GALNT18: variants seen among roughly 807,000 people sequenced by gnomAD.
GALNT18 encodes polypeptide N-acetylgalactosaminyltransferase 18, also known as GalNAc-transferase 18.
GALNT18 carries 44 observed loss-of-function variants against 69.5 expected under a neutral mutation model. The ratio of observed to expected loss-of-function variants is 0.63; its 90% CI spans 0.50 to 0.81. GALNT18 has a LOEUF of 0.81. GALNT18 is among the 40% of genes least tolerant of loss of function. The pLI, the probability that GALNT18 is intolerant of heterozygous loss-of-function variation, is 0.00. For synonymous variants in GALNT18, 364 were observed against 318.2 expected (o/e 1.14, Z -1.53); for missense variants, 715 against 810.0 (o/e 0.88, Z 1.42).
chr11:11,348,268 C>G (rs1850337099), intron 6 of GALNT18, among the ~76,000 whole-genome samples: 1 of 151,610 alleles, frequency 6.6e-6, no homozygotes, highest in African/African-American at 2.4e-5. Context: ...ATCCCAGCTA[C>G]TCAGGAGGCT....
chr11:11,361,305 C>T (rs1046123499), intron 6 of GALNT18, among the ~76,000 whole-genome samples: 1 of 152,174 alleles, frequency 6.6e-6, no homozygotes, highest in Admixed American at 6.5e-5. Context: ...CGCATCTTTA[C>T]CACTTACCAG....
At chr11:11,554,681 T>A (rs539333502) in intron 1 of GALNT18, among the ~76,000 whole-genome samples, 1 of 152,300 alleles carries the variant, frequency 6.6e-6, no homozygotes, top group South Asian at 2.1e-4. Flanking sequence ...ATGGAACTGA[T>A]GTTCCATGGA....
chr11:11,386,380 G>GC (rs1379927797), intron 3 of GALNT18, among the ~76,000 whole-genome samples: 4 of 152,044 alleles, frequency 2.6e-5, no homozygotes, highest in Non-Finnish European at 4.4e-5. Context: ...AAATTACTTG[G>GC]CCCCAAATCT....
At chr11:11,302,088 C>T (rs1451072424) in intron 9 of GALNT18, among the ~76,000 whole-genome samples, 3 of 152,196 alleles carry the variant, frequency 2.0e-5, no homozygotes, top group Non-Finnish European at 4.4e-5. Flanking sequence ...CAGTACAATG[C>T]CATTTGAAAA....
intron 1 of GALNT18, among the ~76,000 whole-genome samples, chr11:11,490,237 A>ACACG (rs1856739077): frequency 4.1e-5 from 2 of 49,102 alleles, no homozygotes; most frequent in Non-Finnish European, 8.3e-5. Context: ...TCTCTCTAAC[A>ACACG]CACACACACA....
chr11:11,409,697 T>G (rs7126743), intron 3 of GALNT18, among the ~76,000 whole-genome samples: 3,123 of 150,660 alleles, frequency 0.021, 95 homozygotes, highest in African/African-American at 0.072. Flanking sequence ...GTGCCCTGCA[T>G]TTTATTCAAT....
chr11:11,316,398 A>G (rs6484804), intron 9 of GALNT18, among the ~76,000 whole-genome samples: 63,272 of 152,084 alleles, frequency 0.42, 14,018 homozygotes, highest in African/African-American at 0.56. Context: ...GACGTGAAAG[A>G]TATGGGGGTG....
intron 6 of GALNT18, among the ~76,000 whole-genome samples, chr11:11,371,187 C>T (rs1317411335): frequency 6.6e-6 from 1 of 152,232 alleles, no homozygotes; most frequent in East Asian, 1.9e-4. Flanking sequence ...AGCATTAAGT[C>T]TGGGTGGTGA....
intron 3 of GALNT18, among the ~76,000 whole-genome samples, chr11:11,400,776 C>A (rs1424009935): frequency 5.9e-5 from 9 of 152,172 alleles, no homozygotes; most frequent in Non-Finnish European, 8.8e-5. Context: ...TCTGTGCTGT[C>A]CCCAGGTTAA....
At chr11:11,344,232 AT>A (rs35072956) in intron 6 of GALNT18, among the ~76,000 whole-genome samples, 1 of 140,084 alleles carries the variant, frequency 7.1e-6, no homozygotes, top group Non-Finnish European at 1.6e-5. Flanking sequence ...TAGCCACGCT[AT>A]TTTTTTTACT....
intron 1 of GALNT18, among the ~76,000 whole-genome samples, chr11:11,594,848 T>TATATATATATATACAC (rs1488821833): frequency 2.6e-5 from 3 of 114,290 alleles, no homozygotes; most frequent in Admixed American, 1.8e-4. Flanking sequence ...TATACACATA[T>TATATATATATATACAC]ACATACATAC....
rs12275186 is a variant in GALNT18 at position 11,613,759 on chromosome 11, T to G, written c.235+7600A>C. On this transcript the variant is annotated intron_variant, in intron 1 of 10. Coordinates refer to ENST00000227756, the MANE Select transcript of GALNT18 (RefSeq NM_198516.3). The surrounding 1 kb of genome is among the most constrained non-coding windows in gnomAD (Gnocchi z 4.2). The stretch of plus-strand genomic sequence containing the variant: ...TTCCAGGCCAGCATAAACAGCATGG[T>G]CCACCATTCATTGATGGTGGCTTAG... 0.019 allele frequency among the ~76,000 whole-genome samples: 2,833 copies of G among 152,298 alleles called. 34 individuals are homozygous for G. Among genetic ancestry groups the G allele is most frequent in the Middle Eastern group, 0.048 (14 of 292 alleles).
chr11:11,425,183 C>T (rs1855099591), intron 3 of GALNT18, among the ~76,000 whole-genome samples: 1 of 152,226 alleles, frequency 6.6e-6, no homozygotes, highest in Admixed American at 6.5e-5. Flanking sequence ...TCTCTTGAGG[C>T]CCGCTGAGTT....
At chr11:11,434,575 G>T (rs576016223) in intron 2 of GALNT18, among the ~76,000 whole-genome samples, 3 of 152,338 alleles carry the variant, frequency 2.0e-5, no homozygotes, top group African/African-American at 4.8e-5. Flanking sequence ...TGTTGTAGAA[G>T]GGGTGGTCAG....
chr11:11,303,732 T>C (rs757036975), intron 9 of GALNT18, among the ~76,000 whole-genome samples: 9 of 152,198 alleles, frequency 5.9e-5, no homozygotes, highest in Non-Finnish European at 7.3e-5. Flanking sequence ...AAGGCAGACC[T>C]GGGGCTCTGA....
Position 11,494,267 on chromosome 11 carries a change from C to G in GALNT18, c.236-45331G>C, listed in dbSNP as rs1159337805. Among the ~76,000 whole-genome samples, 2 of 152,166 alleles carry G rather than the reference C, an allele frequency of 1.3e-5. No individual in the cohort carries two copies. Among genetic ancestry groups the G allele is most frequent in the Non-Finnish European group, 2.9e-5 (2 of 68,028 alleles). Reference sequence around the variant, plus strand: ...GCAGAAAACAAGCACTGCCAAGCAGCAGCATAAACAAGCCAGACACTAGAG... The same window carrying G: ...GCAGAAAACAAGCACTGCCAAGCAGGAGCATAAACAAGCCAGACACTAGAG... On this transcript the variant is annotated intron_variant, in intron 1 of 10. Coordinates refer to ENST00000227756, the MANE Select transcript of GALNT18 (RefSeq NM_198516.3). This position sits in a 1 kb window ranked among gnomAD's most constrained non-coding sequence, Gnocchi z 5.7.
rs1168936138 is a variant in GALNT18, at chr11:11,601,478, C to T, written c.235+19881G>A. On this transcript the variant is annotated intron_variant, in intron 1 of 10. Coordinates refer to ENST00000227756, the MANE Select transcript of GALNT18 (RefSeq NM_198516.3). This position sits in a 1 kb window ranked among gnomAD's most constrained non-coding sequence, Gnocchi z 4.0. ...TTAACTGTCTCTATTGCTTATCTCC[C>T]TGTTACATTTCTGGCTGGACTGCCC... Among the ~76,000 whole-genome samples, 3 of 152,232 alleles carry T rather than the reference C, an allele frequency of 2.0e-5. No homozygotes were observed. Among genetic ancestry groups the T allele is most frequent in the Non-Finnish European group, 4.4e-5 (3 of 68,050 alleles).
At chr11:11,391,106 C>A (rs1192102437) in intron 3 of GALNT18, among the ~76,000 whole-genome samples, 3 of 152,182 alleles carry the variant, frequency 2.0e-5, no homozygotes, top group African/African-American at 7.2e-5. Flanking sequence ...TCTGAGAAAG[C>A]CAGCCCTGCA....
rs1382034187 is a variant in GALNT18, at chr11:11,613,174, A to C, written c.235+8185T>G. 6.6e-6 allele frequency among the ~76,000 whole-genome samples: 1 copy of C among 152,154 alleles called. No individual in the cohort carries two copies. The highest frequency in any genetic ancestry group is 2.1e-4 in the South Asian group (1 of 4,826). On this transcript the variant is annotated intron_variant, in intron 1 of 10. Coordinates refer to ENST00000227756, the MANE Select transcript of GALNT18 (RefSeq NM_198516.3). This position sits in a 1 kb window ranked among gnomAD's most constrained non-coding sequence, Gnocchi z 4.2. ...AATCCATAATCGTGTAGTCAGAAAAACCACCAAAGCTTAAGTGTTCATATA... is the reference window on the plus strand; with the variant it reads ...AATCCATAATCGTGTAGTCAGAAAACCCACCAAAGCTTAAGTGTTCATATA...
Sources: allele counts gnomAD v4.1 joint callset (sites outside exome capture counted in the v4.1 genomes callset), GRCh38; gene constraint gnomAD v4.1.1; non-coding constraint Gnocchi (gnomAD v3.1); transcripts MANE v1.5; gene names NCBI Gene and HGNC (gene_info 2026-07-23, HGNC 2026-07-21).